GTF2E2: variants seen among roughly 807,000 people sequenced by gnomAD.
The protein encoded by GTF2E2 is general transcription factor IIE subunit 2, also known as transcription initiation factor IIE subunit beta.
In GTF2E2, 21 loss-of-function variants were observed where a neutral mutation model predicts 40.5. That is an observed-to-expected ratio of 0.52 (90% CI 0.37 to 0.75). GTF2E2 has a LOEUF of 0.75. GTF2E2 is among the 30% of genes least tolerant of loss of function. The probability of loss-of-function intolerance (pLI) is 0.00; values close to 1 mark genes in which losing one functional copy is unlikely to be tolerated. For missense variants in GTF2E2, 298 were observed against 338.4 expected (o/e 0.88, Z 0.94); for synonymous variants, 117 against 121.6 (o/e 0.96, Z 0.25).
At chr8:30,650,679 G>A (rs906365103) in intron 2 of GTF2E2, among the ~76,000 whole-genome samples, 4 of 152,070 alleles carry the variant, frequency 2.6e-5, no homozygotes, top group African/African-American at 9.7e-5. Flanking sequence ...GATCATGCCC[G>A]TACTCCAGCC....
intron 1 of GTF2E2, 62 bp downstream of exon 1, chr8:30,657,911 T>A (rs1279472501): frequency 6.6e-6 from 1 of 151,310 alleles, no homozygotes; most frequent in African/African-American, 2.4e-5. Flanking sequence ...GCGGCGCGCC[T>A]GCGTCCCAGG....
intron 7 of GTF2E2, 46 bp from the exon 8 acceptor site, chr8:30,579,083 G>A: frequency 1.0e-6 from 1 of 986,328 alleles, no homozygotes; most frequent in Non-Finnish European, 1.6e-6. Flanking sequence ...CTGCTCTGAG[G>A]GGTGGTGTGG....
intron 6 of GTF2E2, among the ~76,000 whole-genome samples, chr8:30,602,778 C>A (rs1404985932): frequency 3.4e-5 from 5 of 146,676 alleles, no homozygotes; most frequent in African/African-American, 1.2e-4. Context: ...AAAAGGTGTT[C>A]ACTGAATCTG....
intron 6 of GTF2E2, among the ~76,000 whole-genome samples, chr8:30,581,024 T>C (rs1030583034): frequency 1.3e-5 from 2 of 152,192 alleles, no homozygotes; most frequent in African/African-American, 4.8e-5. Context: ...GCCACATCAC[T>C]ATTTTTGCAA....
At chr8:30,621,442 C>G (rs757031049) in intron 3 of GTF2E2, among the ~76,000 whole-genome samples, 2 of 151,946 alleles carry the variant, frequency 1.3e-5, no homozygotes, top group African/African-American at 4.8e-5. Flanking sequence ...AATAAAAGAT[C>G]AAGAGAAACT....
chr8:30,607,215 A>T, intron 5 of GTF2E2, 65 bp from the exon 6 acceptor site: 2 of 629,562 alleles, frequency 3.2e-6, no homozygotes, highest in South Asian at 4.6e-5. Context: ...AAAAAAAAAA[A>T]ATTTAAACAA....
intron 5 of GTF2E2, among the ~76,000 whole-genome samples, chr8:30,609,205 G>A (rs1173299179): frequency 6.6e-6 from 1 of 150,620 alleles, no homozygotes; most frequent in East Asian, 2.0e-4. Context: ...GACAGAGGTT[G>A]CAGTGAGCTG....
chr8:30,647,438 C>G (rs1158034484), intron 2 of GTF2E2, among the ~76,000 whole-genome samples: 2 of 151,954 alleles, frequency 1.3e-5, no homozygotes, highest in Admixed American at 1.3e-4. Context: ...AAAAAATTAG[C>G]CAGACATGGG....
chr8:30,633,790 G>C (rs1801508163), intron 3 of GTF2E2, among the ~76,000 whole-genome samples: 2 of 152,082 alleles, frequency 1.3e-5, no homozygotes. Context: ...ACCATGTGGG[G>C]GAATAAATGG....
At chr8:30,654,102 AAAAAG>A (rs1314586247) in intron 1 of GTF2E2, among the ~76,000 whole-genome samples, 11 of 151,688 alleles carry the variant, frequency 7.3e-5, no homozygotes, top group South Asian at 4.2e-4. Flanking sequence ...AAAAAAAAAA[AAAAAG>A]AAAGAAAGAA....
At chr8:30,630,013 A>C (rs563924186) in intron 3 of GTF2E2, among the ~76,000 whole-genome samples, 1 of 152,352 alleles carries the variant, frequency 6.6e-6, no homozygotes, top group East Asian at 1.9e-4. Flanking sequence ...AGGCATCCTA[A>C]GGGGATTTTC....
intron 1 of GTF2E2, among the ~76,000 whole-genome samples, chr8:30,656,662 G>A (rs1304936439): frequency 6.6e-6 from 1 of 152,064 alleles, no homozygotes; most frequent in Non-Finnish European, 1.5e-5. Flanking sequence ...TAAAAAATGT[G>A]CAGGGTGTCG....
intron 1 of GTF2E2, among the ~76,000 whole-genome samples, chr8:30,653,933 C>CA (rs946729585): frequency 6.6e-6 from 1 of 151,700 alleles, no homozygotes; most frequent in Non-Finnish European, 1.5e-5. Context: ...TACAAAAATA[C>CA]AAAAAATCAG....
rs112035747 is a variant in GTF2E2, at chr8:30,615,211, G to A, written c.259-496C>T. 7.9e-3 allele frequency among the ~76,000 whole-genome samples: 1,196 copies of A among 152,128 alleles called. 24 individuals carry two copies. The highest frequency in any genetic ancestry group is 0.027 in the African/African-American group (1,121 of 41,474). ...GGAGAATCGCTTGAACCTGGGAAGA[G>A]GAGGCTGCAGTGAGCTGAGATCATG... On this transcript the variant is annotated intron_variant, in intron 3 of 7. Coordinates refer to ENST00000355904, the MANE Select transcript of GTF2E2 (RefSeq NM_002095.6).
intron 6 of GTF2E2, among the ~76,000 whole-genome samples, chr8:30,591,915 A>G (rs1472961895): frequency 6.6e-6 from 1 of 152,100 alleles, no homozygotes; most frequent in African/African-American, 2.4e-5. Context: ...ATGGCCATAC[A>G]ATAGAATTTT....
At chr8:30,642,961 T>C (rs998648339) in intron 2 of GTF2E2, among the ~76,000 whole-genome samples, 2 of 152,214 alleles carry the variant, frequency 1.3e-5, no homozygotes, top group African/African-American at 4.8e-5. Flanking sequence ...GATATCTCTT[T>C]TTTGGAAATG....
At chr8:30,619,648 T>C (rs545526344) in intron 3 of GTF2E2, among the ~76,000 whole-genome samples, 5 of 152,112 alleles carry the variant, frequency 3.3e-5, no homozygotes, top group Admixed American at 6.5e-5. Flanking sequence ...CAGCCTCCTA[T>C]AGTGCTGGGA....
Position 30,658,161 on chromosome 8 carries a change from CAGCGGCGGT to C in GTF2E2, c.-202_-194del. The C allele has an allele frequency of 5.1e-6, 1 of 195,952 alleles. No individual in the cohort carries two copies. The highest frequency in any genetic ancestry group is 1.0e-5 in the Non-Finnish European group (1 of 96,842). 12.1% of individuals were successfully genotyped at this position (195,952 alleles called of 1,614,324 possible). On this transcript the variant is annotated 5_prime_UTR_variant, in exon 1 of 8. Coordinates refer to ENST00000355904, the MANE Select transcript of GTF2E2 (RefSeq NM_002095.6). ...CTGGCGGTGGCGGCGGCGGCGGCGG[CAGCGGCGGT>C]AGCTGAGGCGGCGACTGGACCCGGG... is the stretch of plus-strand genomic sequence containing the variant.
intron 2 of GTF2E2, among the ~76,000 whole-genome samples, chr8:30,651,789 A>C (rs934309037): frequency 6.6e-6 from 1 of 152,240 alleles, no homozygotes; most frequent in African/African-American, 2.4e-5. Flanking sequence ...AAAAGAACTA[A>C]GTTGATGGAC....
Sources: allele counts gnomAD v4.1 joint callset (sites outside exome capture counted in the v4.1 genomes callset), GRCh38; gene constraint gnomAD v4.1.1; transcripts MANE v1.5; gene names NCBI Gene and HGNC (gene_info 2026-07-23, HGNC 2026-07-21).